Variants in TXNDC11 observed in about 807,000 individuals in gnomAD.
The protein encoded by TXNDC11 is thioredoxin domain-containing protein 11.
TXNDC11 carries 68 observed loss-of-function variants against 78.0 expected under a neutral mutation model. The ratio of observed to expected loss-of-function variants is 0.87; its 90% CI spans 0.72 to 1.07. TXNDC11 has a LOEUF of 1.07. TXNDC11 is among the 50% of genes least tolerant of loss of function. TXNDC11 has a pLI of 0.00. For missense variants in TXNDC11, 1,389 were observed against 1,221.8 expected (o/e 1.14, Z -2.04); for synonymous variants, 571 against 495.2 (o/e 1.15, Z -2.03).
rs186067138 is a variant in TXNDC11 at position 11,683,951 on chromosome 16, A to G, written c.2234+214T>C. ...TTTTTTGTACTGATGGGGTTTCACC[A>G]TGTCGGCCAGGCTGGTCTCAACCTC... On this transcript the variant is annotated intron_variant, in intron 11 of 11. Transcript: ENST00000283033. 2.5e-3 allele frequency among the ~76,000 whole-genome samples: 386 copies of G among 152,166 alleles called. 1 individual carries two copies. The highest frequency in any genetic ancestry group is 9.3e-3 in the South Asian group (45 of 4,824).
rs202060963 is a variant in TXNDC11, at chr16:11,734,426, T to TAAA, written c.472-350_472-348dup. Among the ~76,000 whole-genome samples the TAAA allele has an allele frequency of 4.6e-5, 7 of 151,372 alleles. No individual in the cohort carries two copies. The South Asian group carries it at 6.3e-4, about 14-fold the overall frequency. On this transcript the variant is annotated intron_variant, in intron 2 of 11. Coordinates refer to ENST00000283033, the MANE Select transcript of TXNDC11 (RefSeq NM_015914.7). Reference sequence around the variant, plus strand: ...TTGGAAGGAGCTGAAATTTTTTTTTTAAAAAAAGCAGCAGTCCCTGGATTG... The same window carrying TAAA: ...TTGGAAGGAGCTGAAATTTTTTTTTTAAAAAAAAAAGCAGCAGTCCCTGGATTG...
At chr16:11,726,719 T>C (rs191796041) in intron 4 of TXNDC11, among the ~76,000 whole-genome samples, 231 of 152,044 alleles carry the variant, frequency 1.5e-3, no homozygotes, top group Middle Eastern at 3.4e-3. Flanking sequence ...TTTCTAACAA[T>C]AGAATAAGCA....
At chr16:11,695,706 G>A (rs1264961409) in intron 7 of TXNDC11, among the ~76,000 whole-genome samples, 16 of 152,070 alleles carry the variant, frequency 1.1e-4, no homozygotes, top group Non-Finnish European at 2.4e-4. Flanking sequence ...TAATGATAAC[G>A]CACAGCCCTG....
chr16:11,713,185 GC>G (rs1175572177), intron 5 of TXNDC11, among the ~76,000 whole-genome samples: 2 of 151,004 alleles, frequency 1.3e-5, no homozygotes, highest in African/African-American at 4.9e-5. Flanking sequence ...TCCTTGGGGG[GC>G]TGAGGTAGGA....
chr16:11,707,333 C>G (rs1025004143), intron 5 of TXNDC11, among the ~76,000 whole-genome samples: 1 of 148,730 alleles, frequency 6.7e-6, no homozygotes, highest in African/African-American at 2.5e-5. Flanking sequence ...GCAGGAGAAT[C>G]ACTTAAATGT....
chr16:11,689,466 T>C (rs950070322), intron 8 of TXNDC11, among the ~76,000 whole-genome samples: 3 of 152,226 alleles, frequency 2.0e-5, no homozygotes, highest in African/African-American at 7.2e-5. Flanking sequence ...ATTCTGAAAC[T>C]AGCCTAGAGA....
Position 11,741,329 on chromosome 16 carries a change from G to A in TXNDC11, c.254+1148C>T, listed in dbSNP as rs1210756883. Among the ~76,000 whole-genome samples, 10 of 152,212 alleles carry A rather than the reference G, an allele frequency of 6.6e-5. 1 individual carries two copies. The highest frequency in any genetic ancestry group is 1.5e-5 in the Non-Finnish European group (1 of 68,038). ...CAAAAGACCCACTGTGGATTTGGGAGACCAGAAGTACACCTGAAATATACA... is the reference window on the plus strand; with the variant it reads ...CAAAAGACCCACTGTGGATTTGGGAAACCAGAAGTACACCTGAAATATACA... On this transcript the variant is annotated intron_variant, in intron 1 of 11. Transcript: ENST00000283033.
intron 1 of TXNDC11, among the ~76,000 whole-genome samples, chr16:11,740,358 A>T (rs575561622): frequency 4.6e-4 from 70 of 152,296 alleles, no homozygotes; most frequent in African/African-American, 1.7e-3. Flanking sequence ...CACAGAAAGA[A>T]GATGAAGCAG....
In TXNDC11 at chr16:11,691,510, T is replaced by C. The variant is rs1356586326; in HGVS notation, c.1680A>G (p.Pro560=). 7.4e-6 allele frequency: 12 copies of C among 1,614,082 alleles called. No individual in the cohort carries two copies. In the African/African-American group the frequency reaches 1.3e-4, roughly 18 times the overall value. ...PHIEENRYLF[P]EVDMTSTNFT... is the part of the protein sequence containing the mutation. Reference sequence around the variant, plus strand: ...AGTTTGTGCTAGTCATGTCCACTTCTGGAAAGAGATACCTGTTCTCCTCAA... The same window carrying C: ...AGTTTGTGCTAGTCATGTCCACTTCCGGAAAGAGATACCTGTTCTCCTCAA... Residue 560 remains proline (P), a synonymous_variant, in exon 8 of 12, where the codon CCA becomes CCG. Transcript: ENST00000283033.
chr16:11,734,351 A>C (rs1399034726), intron 2 of TXNDC11, among the ~76,000 whole-genome samples: 6 of 152,218 alleles, frequency 3.9e-5, no homozygotes, highest in Non-Finnish European at 7.3e-5. Context: ...GTTTCCAAAA[A>C]TAAACCCACT....
At chr16:11,685,427 C>T (rs774052637) in intron 10 of TXNDC11, among the ~76,000 whole-genome samples, 1 of 151,926 alleles carries the variant, frequency 6.6e-6, no homozygotes, top group Admixed American at 6.6e-5. Flanking sequence ...AGGCAGATCA[C>T]GAGGTCAGGT....
intron 4 of TXNDC11, 39 bp from the exon 5 acceptor site, chr16:11,721,709 G>T: frequency 8.6e-7 from 1 of 1,157,554 alleles, no homozygotes; most frequent in Non-Finnish European, 1.3e-6. Context: ...CTGAGGCACT[G>T]TCAGCCACAG....
intron 5 of TXNDC11, among the ~76,000 whole-genome samples, chr16:11,703,275 T>C (rs967524899): frequency 3.9e-5 from 6 of 152,162 alleles, no homozygotes; most frequent in African/African-American, 1.4e-4. Flanking sequence ...CAAAAAGAAC[T>C]GTACATAAAT....
chr16:11,733,829 T>G (rs1165715719), intron 3 of TXNDC11, among the ~76,000 whole-genome samples, 153 bp downstream of exon 3: 1 of 152,244 alleles, frequency 6.6e-6, no homozygotes, highest in African/African-American at 2.4e-5. Context: ...GGGGGTGGAT[T>G]ATCCAGATCT....
chr16:11,700,573 G>C lies in TXNDC11; in HGVS notation c.794-9C>G. 2 of 1,487,212 alleles carry C rather than the reference G, an allele frequency of 1.3e-6. No homozygotes were observed. The highest frequency in any genetic ancestry group is 9.3e-7 in the Non-Finnish European group (1 of 1,071,396). The allele number at this position is 1,487,212 out of a possible 1,614,324, so 92.1% of individuals were successfully genotyped here. A position where few individuals can be genotyped will look rare whatever the true frequency, so the allele number is the denominator to read the frequency against. ...TACTGTTCCTAGGTAATCTGAAACA[G>C]AAAATTTTCCTTTATTAAAGAAAAG... On this transcript the variant is annotated splice_polypyrimidine_tract_variant and intron_variant, in intron 5 of 11. Transcript: ENST00000283033.
At chr16:11,735,351 G>C (rs1348943906) in intron 2 of TXNDC11, among the ~76,000 whole-genome samples, 1 of 152,100 alleles carries the variant, frequency 6.6e-6, no homozygotes, top group African/African-American at 2.4e-5. Flanking sequence ...ATATCATTTA[G>C]TTACAAATTA....
At chr16:11,699,419 T>C (rs2050947863) in intron 6 of TXNDC11, among the ~76,000 whole-genome samples, 1 of 152,194 alleles carries the variant, frequency 6.6e-6, no homozygotes, top group Non-Finnish European at 1.5e-5. Flanking sequence ...TCAAAGCAGC[T>C]TAGGCAGAGG....
chr16:11,728,489 T>C (rs1415419133), intron 4 of TXNDC11, among the ~76,000 whole-genome samples: 3 of 152,218 alleles, frequency 2.0e-5, no homozygotes, highest in Non-Finnish European at 4.4e-5. Flanking sequence ...ACTCTTGTGG[T>C]TCCCATTTTA....
At chr16:11,693,908 C>A (rs1272972068) in intron 7 of TXNDC11, among the ~76,000 whole-genome samples, 4 of 152,118 alleles carry the variant, frequency 2.6e-5, no homozygotes, top group African/African-American at 9.7e-5. Flanking sequence ...CCCGCAAAAA[C>A]CTCCATAAGA....
Sources: gnomAD v4.1 joint callset for allele counts (sites outside exome capture counted in the v4.1 genomes callset) on GRCh38, gnomAD v4.1.1 for gene constraint, MANE v1.5 for transcripts, NCBI Gene and HGNC (gene_info 2026-07-23, HGNC 2026-07-21) for gene names.